The following INPP4B variants were observed in gnomAD, a reference collection of about 807,000 sequenced individuals.
INPP4B encodes inositol polyphosphate-4-phosphatase type II B.
INPP4B carries 55 observed loss-of-function variants against 122.5 expected under a neutral mutation model. The ratio of observed to expected loss-of-function variants is 0.45; its 90% CI spans 0.36 to 0.56. The LOEUF is 0.56. INPP4B is among the 20% of genes least tolerant of loss of function. INPP4B has a pLI of 0.00. For synonymous variants in INPP4B, 403 were observed against 388.7 expected (o/e 1.04, Z -0.43); for missense variants, 1,000 against 1,097.7 (o/e 0.91, Z 1.26).
At chr4:142,288,453 AG>A (rs1754868586) in intron 9 of INPP4B, among the ~76,000 whole-genome samples, 3 of 152,126 alleles carry the variant, frequency 2.0e-5, no homozygotes, top group African/African-American at 7.2e-5. Flanking sequence ...GCGTGGTGTC[AG>A]GTGCCTGTAG....
At chr4:142,255,628 T>G (rs1482527029) in intron 11 of INPP4B, among the ~76,000 whole-genome samples, 5 of 152,096 alleles carry the variant, frequency 3.3e-5, no homozygotes, top group Admixed American at 6.6e-5. Flanking sequence ...TAATGGTAAA[T>G]GGATCAATTC....
intron 6 of INPP4B, among the ~76,000 whole-genome samples, chr4:142,404,038 T>C (rs1026071718): frequency 4.2e-5 from 6 of 142,130 alleles, no homozygotes; most frequent in African/African-American, 1.5e-4. Flanking sequence ...GCAACATTTT[T>C]AAAATAACAG....
chr4:142,502,100 T>C (rs969043212), intron 2 of INPP4B, among the ~76,000 whole-genome samples: 1 of 152,172 alleles, frequency 6.6e-6, no homozygotes, highest in Non-Finnish European at 1.5e-5. Flanking sequence ...TGGTTCCTTA[T>C]AAAAACTAAA....
intron 2 of INPP4B, among the ~76,000 whole-genome samples, chr4:142,629,949 CAG>C (rs1747555780): frequency 6.6e-6 from 1 of 152,018 alleles, no homozygotes; most frequent in Non-Finnish European, 1.5e-5. Flanking sequence ...AAACTGAGTA[CAG>C]TGATGATCCA....
chr4:142,713,290 A>G (rs1054655310), intron 2 of INPP4B, among the ~76,000 whole-genome samples: 2 of 152,224 alleles, frequency 1.3e-5, no homozygotes, highest in Non-Finnish European at 1.5e-5. Context: ...TGGGGATACA[A>G]TTTTGAAGCT....
At chr4:142,723,626 C>T (rs954668615) in intron 2 of INPP4B, among the ~76,000 whole-genome samples, 4 of 152,086 alleles carry the variant, frequency 2.6e-5, no homozygotes, top group African/African-American at 9.7e-5. Flanking sequence ...GTTAATCCAA[C>T]AGATTGCATG....
intron 25 of INPP4B, among the ~76,000 whole-genome samples, chr4:142,058,960 T>C (rs574567622): frequency 6.6e-6 from 1 of 152,142 alleles, no homozygotes; most frequent in Non-Finnish European, 1.5e-5. Flanking sequence ...TGCCATCTGA[T>C]AAACTATAAA....
chr4:142,097,259 T>TATTTTATTTC (rs1782329536), intron 23 of INPP4B, among the ~76,000 whole-genome samples: 1 of 151,012 alleles, frequency 6.6e-6, no homozygotes, highest in Non-Finnish European at 1.5e-5. Context: ...TATTTTATTT[T>TATTTTATTTC]ATTTTATTTT....
At chr4:142,444,414 C>T (rs1812468670) in intron 3 of INPP4B, among the ~76,000 whole-genome samples, 1 of 152,118 alleles carries the variant, frequency 6.6e-6, no homozygotes, top group Admixed American at 6.5e-5. Flanking sequence ...AAAACCTCAT[C>T]TTTACTGGTC....
chr4:142,135,410 C>A (rs1270312462), intron 18 of INPP4B, among the ~76,000 whole-genome samples: 2 of 149,756 alleles, frequency 1.3e-5, no homozygotes, highest in Non-Finnish European at 2.9e-5. Flanking sequence ...CAATTTTTAA[C>A]CTTAAAAAAA....
At chr4:142,349,133 C>T (rs1320015276) in intron 7 of INPP4B, among the ~76,000 whole-genome samples, 5 of 152,016 alleles carry the variant, frequency 3.3e-5, no homozygotes, top group African/African-American at 4.8e-5. Flanking sequence ...TATTTACAAT[C>T]TAAGCTAAAA....
intron 15 of INPP4B, among the ~76,000 whole-genome samples, chr4:142,192,105 A>T (rs1016425495): frequency 6.6e-6 from 1 of 151,880 alleles, no homozygotes; most frequent in African/African-American, 2.4e-5. Context: ...CTAAAGAATG[A>T]CTATTTTTCC....
chr4:142,742,580 T>G (rs939044527), intron 1 of INPP4B, among the ~76,000 whole-genome samples: 2 of 151,952 alleles, frequency 1.3e-5, no homozygotes, highest in Non-Finnish European at 2.9e-5. Context: ...AAAAGTCAGT[T>G]AAGACTCTGT....
chr4:142,454,940 G>C (rs924001947), intron 3 of INPP4B, among the ~76,000 whole-genome samples: 1 of 151,966 alleles, frequency 6.6e-6, no homozygotes, highest in African/African-American at 2.4e-5. Flanking sequence ...TTGTTGAAAG[G>C]AGTTAAAATT....
At chr4:142,284,924 C>T (rs1304280051) in intron 9 of INPP4B, among the ~76,000 whole-genome samples, 1 of 151,972 alleles carries the variant, frequency 6.6e-6, no homozygotes, top group Non-Finnish European at 1.5e-5. Context: ...TTATATTTTG[C>T]TTGTGGAATA....
intron 11 of INPP4B, among the ~76,000 whole-genome samples, chr4:142,255,845 C>A (rs1735626220): frequency 6.6e-6 from 1 of 150,958 alleles, no homozygotes; most frequent in Non-Finnish European, 1.5e-5. Context: ...AGCTCTGCAC[C>A]AAGCAGACCT....
chr4:142,545,743 G>GTA (rs1462200736), intron 2 of INPP4B, among the ~76,000 whole-genome samples: 2 of 132,024 alleles, frequency 1.5e-5, no homozygotes, highest in African/African-American at 3.1e-5. Flanking sequence ...ACATATATGT[G>GTA]TATATATATA....
chr4:142,648,048 A>G (rs1319294585), intron 2 of INPP4B, among the ~76,000 whole-genome samples: 1 of 152,240 alleles, frequency 6.6e-6, no homozygotes, highest in African/African-American at 2.4e-5. Context: ...ACGAGTTAAA[A>G]TTAATTTCTT....
intron 1 of INPP4B, among the ~76,000 whole-genome samples, chr4:142,744,701 G>A (rs1452632898): frequency 2.0e-5 from 3 of 151,400 alleles, no homozygotes; most frequent in Non-Finnish European, 3.0e-5. Flanking sequence ...AAGGTAAAAT[G>A]GGCATCTTAT....
Sources: gnomAD v4.1 joint callset for allele counts (sites outside exome capture counted in the v4.1 genomes callset) on GRCh38, gnomAD v4.1.1 for gene constraint, MANE v1.5 for transcripts, NCBI Gene and HGNC (gene_info 2026-07-23, HGNC 2026-07-21) for gene names.